Variants in CSMD1 observed in about 807,000 individuals in gnomAD.
CSMD1 encodes the protein CUB and sushi domain-containing protein 1.
Under a neutral mutation model 417.5 loss-of-function variants are expected in CSMD1, and 213 were observed. The ratio of observed to expected loss-of-function variants is 0.51; its 90% CI spans 0.46 to 0.57. CSMD1 has a LOEUF of 0.57. CSMD1 is among the 20% of genes least tolerant of loss of function. The probability of loss-of-function intolerance (pLI) is 0.00; values close to 1 mark genes in which losing one functional copy is unlikely to be tolerated. For missense variants in CSMD1, 6,923 were observed against 4,529.7 expected (o/e 1.53, Z -15.17); for synonymous variants, 2,862 against 1,736.8 (o/e 1.65, Z -16.11).
intron 28 of CSMD1, among the ~76,000 whole-genome samples, chr8:3,220,087 A>G (rs929545308): frequency 1.6e-4 from 24 of 147,804 alleles, no homozygotes; most frequent in African/African-American, 5.8e-4. Flanking sequence ...TGAGGCTGCA[A>G]TGAGCTATGA....
chr8:3,517,671 C>T (rs539429358), intron 10 of CSMD1, among the ~76,000 whole-genome samples: 61 of 152,194 alleles, frequency 4.0e-4, no homozygotes, highest in African/African-American at 1.3e-3. Flanking sequence ...CTAGCTAACA[C>T]AATTTTTCAC....
chr8:4,301,255 T>C (rs1050209203), intron 3 of CSMD1, among the ~76,000 whole-genome samples: 6 of 152,146 alleles, frequency 3.9e-5, no homozygotes, highest in African/African-American at 1.2e-4. Flanking sequence ...ACATCATCAT[T>C]CTTTGGCCCT....
At chr8:4,828,055 AT>A (rs34800449) in intron 1 of CSMD1, among the ~76,000 whole-genome samples, 12 of 151,714 alleles carry the variant, frequency 7.9e-5, no homozygotes, top group South Asian at 2.1e-4. Context: ...GCGTAGTGGG[AT>A]TTTTTTTTAC....
chr8:3,412,577 T>C (rs1812880951), intron 12 of CSMD1, among the ~76,000 whole-genome samples: 1 of 152,154 alleles, frequency 6.6e-6, no homozygotes, highest in Admixed American at 6.6e-5. Flanking sequence ...CCAACTTCTG[T>C]GAAGCAGAAG....
chr8:3,813,142 C>T (rs778479747), intron 5 of CSMD1, among the ~76,000 whole-genome samples: 7 of 147,580 alleles, frequency 4.7e-5, no homozygotes, highest in Admixed American at 2.0e-4. Flanking sequence ...TATGTTCCCA[C>T]TGGCATTGTA....
At chr8:3,944,954 G>A (rs1277235147) in intron 5 of CSMD1, among the ~76,000 whole-genome samples, 1 of 152,124 alleles carries the variant, frequency 6.6e-6, no homozygotes, top group African/African-American at 2.4e-5. Flanking sequence ...GACATTACAA[G>A]GATGACAAAG....
intron 2 of CSMD1, among the ~76,000 whole-genome samples, chr8:4,457,444 A>G (rs1799559639): frequency 6.6e-6 from 1 of 152,080 alleles, no homozygotes; most frequent in Admixed American, 6.6e-5. Context: ...AACAAACATA[A>G]TGCATTGAAA....
intron 1 of CSMD1, among the ~76,000 whole-genome samples, chr8:4,857,515 G>A (rs545516507): frequency 7.2e-5 from 11 of 152,130 alleles, no homozygotes; most frequent in South Asian, 2.1e-4. Context: ...TTGATAGACC[G>A]CTAGCAAGAC....
rs1373398137 is a variant in CSMD1, at chr8:2,937,596, A to T, written c.*989T>A. On this transcript the variant is annotated 3_prime_UTR_variant, in exon 70 of 70. Transcript: ENST00000635120. ...ACCCCCTGCTATTAAGTAGTATCAGAGAGACAGTAATTGGATGAGGATGGT... is the reference window on the plus strand; with the variant it reads ...ACCCCCTGCTATTAAGTAGTATCAGTGAGACAGTAATTGGATGAGGATGGT... The T allele has an allele frequency of 6.6e-6, 1 of 152,236 alleles. No individual in the cohort carries two copies. The highest frequency in any genetic ancestry group is 2.4e-5 in the African/African-American group (1 of 41,462). 9.4% of individuals were successfully genotyped at this position (152,236 alleles called of 1,614,324 possible). A position where few individuals can be genotyped will look rare whatever the true frequency, so the allele number is the denominator to read the frequency against.
At chr8:3,260,127 C>G (rs936412265) in intron 26 of CSMD1, among the ~76,000 whole-genome samples, 2 of 152,148 alleles carry the variant, frequency 1.3e-5, no homozygotes, top group South Asian at 2.1e-4. Flanking sequence ...ATTTCCCTTA[C>G]CTTGCTCTTT....
intron 3 of CSMD1, among the ~76,000 whole-genome samples, chr8:4,382,351 G>A (rs987368126): frequency 1.3e-5 from 2 of 152,148 alleles, no homozygotes; most frequent in Non-Finnish European, 2.9e-5. Context: ...ATGACTGGTC[G>A]ACCAATGACA....
chr8:3,452,414 TCCAGTTTTTG>T (rs1486884131), intron 12 of CSMD1, among the ~76,000 whole-genome samples: 8 of 152,312 alleles, frequency 5.3e-5, no homozygotes, highest in Non-Finnish European at 5.9e-5. Flanking sequence ...AGGGAATGCT[TCCAGTTTTTG>T]CCCCTTCAGT....
chr8:4,275,402 C>T (rs1267015858), intron 3 of CSMD1, among the ~76,000 whole-genome samples: 1 of 151,910 alleles, frequency 6.6e-6, no homozygotes, highest in Admixed American at 6.6e-5. Flanking sequence ...AAGGAAAGGA[C>T]AAAGGAGAAT....
At chr8:3,183,902 G>A (rs139261149) in intron 36 of CSMD1, among the ~76,000 whole-genome samples, 1 of 152,258 alleles carries the variant, frequency 6.6e-6, no homozygotes, top group East Asian at 1.9e-4. Flanking sequence ...ACCAGAATTA[G>A]TGCAATAATC....
chr8:4,083,547 A>G (rs1800255998), intron 3 of CSMD1, among the ~76,000 whole-genome samples: 1 of 152,202 alleles, frequency 6.6e-6, no homozygotes, highest in Non-Finnish European at 1.5e-5. Flanking sequence ...CATATTTACA[A>G]CTGTCTGATC....
intron 9 of CSMD1, among the ~76,000 whole-genome samples, chr8:3,580,847 T>C (rs369965224): frequency 1.3e-5 from 2 of 152,222 alleles, no homozygotes; most frequent in African/African-American, 4.8e-5. Context: ...AAAGGTCATT[T>C]CTACAAGGGC....
chr8:4,748,942 C>T (rs1299210335), intron 1 of CSMD1, among the ~76,000 whole-genome samples: 2 of 152,336 alleles, frequency 1.3e-5, no homozygotes, highest in South Asian at 2.1e-4. Context: ...AATTCTGCTT[C>T]CTTAACTCAC....
intron 7 of CSMD1, among the ~76,000 whole-genome samples, chr8:3,670,006 T>C (rs903590638): frequency 1.3e-5 from 2 of 152,188 alleles, no homozygotes; most frequent in Non-Finnish European, 2.9e-5. Flanking sequence ...CATACATTTC[T>C]AAATAAGTTA....
chr8:4,802,142 G>T (rs898856509), intron 1 of CSMD1, among the ~76,000 whole-genome samples: 6 of 152,160 alleles, frequency 3.9e-5, no homozygotes, highest in Non-Finnish European at 4.4e-5. Flanking sequence ...TCTCAAAATC[G>T]AAGAGCAATT....
Sources: gnomAD v4.1 joint callset for allele counts (sites outside exome capture counted in the v4.1 genomes callset) on GRCh38, gnomAD v4.1.1 for gene constraint, MANE v1.5 for transcripts, NCBI Gene and HGNC (gene_info 2026-07-23, HGNC 2026-07-21) for gene names.